Variants in ASCC3 observed in about 807,000 individuals in gnomAD.
The protein encoded by ASCC3 is activating signal cointegrator 1 complex subunit 3, also known as ASC-1 complex subunit P200.
ASCC3 carries 158 observed loss-of-function variants against 256.3 expected under a neutral mutation model. The observed-to-expected ratio is 0.62, with a 90% CI of 0.54 to 0.70. ASCC3 has a LOEUF of 0.70. Among genes scored for constraint, ASCC3 ranks in the 30% least tolerant of loss-of-function variants. The probability of loss-of-function intolerance (pLI) is 0.00; values close to 1 mark genes in which losing one functional copy is unlikely to be tolerated. For synonymous variants in ASCC3, 948 were observed against 883.4 expected (o/e 1.07, Z -1.30); for missense variants, 2,259 against 2,626.0 (o/e 0.86, Z 3.05).
At chr6:100,534,776 G>T (rs1336781014) in intron 37 of ASCC3, among the ~76,000 whole-genome samples, 2 of 152,126 alleles carry the variant, frequency 1.3e-5, no homozygotes, top group Non-Finnish European at 2.9e-5. Flanking sequence ...AGAAGCAAAG[G>T]CAGGCTGTAT....
intron 34 of ASCC3, among the ~76,000 whole-genome samples, chr6:100,594,134 T>C (rs1772153157): frequency 6.6e-6 from 1 of 152,216 alleles, no homozygotes; most frequent in African/African-American, 2.4e-5. Context: ...GACTTCATAG[T>C]AGTATGATTA....
rs1000248183 is a variant in ASCC3 at position 100,646,596 on chromosome 6, A to C, written c.3633+19T>G. ...AGATATTTTTGTTTAACACAGATAT[A>C]GCCGTTTTCCACTTCTACCTGATCA... On this transcript the variant is annotated intron_variant, in intron 22 of 41. Transcript: ENST00000369162. 3 of 1,613,790 alleles carry C rather than the reference A, an allele frequency of 1.9e-6. No homozygotes were observed. In the African/African-American group the frequency reaches 4.0e-5, roughly 22 times the overall value.
intron 10 of ASCC3, among the ~76,000 whole-genome samples, chr6:100,734,701 G>C (rs1780065176): frequency 6.6e-6 from 1 of 152,050 alleles, no homozygotes. Flanking sequence ...CCACTATTTT[G>C]GGCAATTAAC....
intron 34 of ASCC3, among the ~76,000 whole-genome samples, chr6:100,594,668 A>C (rs1169131949): frequency 6.6e-6 from 1 of 152,112 alleles, no homozygotes; most frequent in Non-Finnish European, 1.5e-5. Context: ...ATGATCCAGC[A>C]ATCCCAGTTC....
chr6:100,879,677 T>A (rs1486949261), intron 1 of ASCC3, among the ~76,000 whole-genome samples: 3 of 152,224 alleles, frequency 2.0e-5, no homozygotes, highest in East Asian at 1.9e-4. Context: ...TTATTTATTT[T>A]TTTTGAGGTA....
rs1341902575 is a variant in ASCC3 at position 100,662,506 on chromosome 6, C to A, written c.2317G>T (p.Glu773Ter). The A allele has an allele frequency of 6.2e-7, 1 of 1,612,920 alleles. No individual in the cohort carries two copies. Among genetic ancestry groups the A allele is most frequent in the African/African-American group, 1.3e-5 (1 of 74,844 alleles). The stretch of plus-strand genomic sequence containing the variant: ...ATACTAAAACCATCTGGGAATAATT[C>A]TCGTACTTGCTTATTTCTCGACCTT... ...VQRSRNKQVR[E>*]LFPDGFSIHH... Residue 773 changes from glutamate (E) to a stop codon, truncating the protein, a stop_gained, in exon 15 of 42, where the codon GAA (glutamate) becomes TAA (stop). Transcript: ENST00000369162. LOFTEE classifies it high-confidence loss of function.
intron 4 of ASCC3, among the ~76,000 whole-genome samples, chr6:100,845,875 A>G (rs1241473775): frequency 6.6e-6 from 1 of 152,180 alleles, no homozygotes; most frequent in African/African-American, 2.4e-5. Flanking sequence ...GAGCTGGGAA[A>G]CCACAGGTTG....
intron 36 of ASCC3, among the ~76,000 whole-genome samples, chr6:100,565,152 T>C (rs1204668792): frequency 6.6e-6 from 1 of 152,194 alleles, no homozygotes; most frequent in East Asian, 1.9e-4. Context: ...TAACTGCAAT[T>C]GAATCAACTG....
chr6:100,665,625 A>G (rs1242322870), intron 14 of ASCC3, among the ~76,000 whole-genome samples: 1 of 151,964 alleles, frequency 6.6e-6, no homozygotes, highest in Non-Finnish European at 1.5e-5. Flanking sequence ...CTGTAGTCCC[A>G]GTTACTCGGG....
rs543003692 is a variant in ASCC3, at chr6:100,727,051, C to T, written c.1738-1348G>A. ...CAAAGGACCTAAGACTTGCCAGAAC[C>T]AATTCATCTTAAACGTTATTATTAA... On this transcript the variant is annotated intron_variant, in intron 10 of 41. Transcript: ENST00000369162. Among the ~76,000 whole-genome samples, 8 of 152,130 alleles carry T rather than the reference C, an allele frequency of 5.3e-5. No homozygotes were observed. In the South Asian group the frequency reaches 6.2e-4, roughly 12 times the overall value.
At position 100,642,713 on chromosome 6, in the gene ASCC3, T is replaced by C. The variant is rs1454393819; in HGVS notation, c.3769A>G (p.Ile1257Val). ...SKEAQLLVFT[I>V]PIFEPLPSQY... ...GAAGGCAAAGGCTCAAAAATAGGGA[T>C]TGTAAATACCAGTAGTTGGGCTTCT... Residue 1257 changes from isoleucine (I) to valine (V), a missense_variant, in exon 24 of 42, where the codon ATC becomes GTC. Physicochemically the swap from Ile to Val is conservative, Grantham distance 29. Around this residue, in one of 2 missense-constraint regions of ASCC3, gnomAD observed 1,839 missense variants for 2,206.7 expected, o/e 0.83. Coordinates refer to ENST00000369162, the MANE Select transcript of ASCC3 (RefSeq NM_006828.4). 5 of 1,613,806 alleles carry C rather than the reference T, an allele frequency of 3.1e-6. 1 individual carries two copies. The highest frequency in any genetic ancestry group is 2.2e-5 in the South Asian group (2 of 91,072).
At chr6:100,519,593 A>ATTTC (rs2114617592) in intron 37 of ASCC3, among the ~76,000 whole-genome samples, 1 of 152,282 alleles carries the variant, frequency 6.6e-6, no homozygotes, top group Admixed American at 6.5e-5. Flanking sequence ...GGAAGAGAAA[A>ATTTC]GGAAAAGAGA....
At chr6:100,845,675 C>T (rs1772348018) in intron 4 of ASCC3, among the ~76,000 whole-genome samples, 1 of 152,094 alleles carries the variant, frequency 6.6e-6, no homozygotes, top group Non-Finnish European at 1.5e-5. Flanking sequence ...TTATTCCTCT[C>T]CACGTTTCAG....
intron 36 of ASCC3, among the ~76,000 whole-genome samples, chr6:100,570,120 T>G (rs886406676): frequency 1.3e-5 from 2 of 152,192 alleles, no homozygotes; most frequent in African/African-American, 4.8e-5. Flanking sequence ...CTGATTTTTG[T>G]ACACTGAGTT....
intron 37 of ASCC3, among the ~76,000 whole-genome samples, chr6:100,526,467 G>A (rs1774583207): frequency 6.6e-6 from 1 of 152,164 alleles, no homozygotes; most frequent in Non-Finnish European, 1.5e-5. Context: ...TACAGGTAAA[G>A]TCACCCAGAG....
At chr6:100,746,031 A>C (rs1282851042) in intron 10 of ASCC3, among the ~76,000 whole-genome samples, 1 of 151,920 alleles carries the variant, frequency 6.6e-6, no homozygotes, top group Non-Finnish European at 1.5e-5. Flanking sequence ...TAGCTTTCTT[A>C]AAAGATAGCT....
At chr6:100,607,520 G>T (rs1445532370) in intron 30 of ASCC3, among the ~76,000 whole-genome samples, 1 of 151,830 alleles carries the variant, frequency 6.6e-6, no homozygotes, top group African/African-American at 2.4e-5. Flanking sequence ...CAGACAGAAA[G>T]AAATTGTTCC....
intron 4 of ASCC3, among the ~76,000 whole-genome samples, chr6:100,846,740 T>C (rs1342532941): frequency 4.6e-5 from 7 of 152,342 alleles, no homozygotes; most frequent in Middle Eastern, 3.4e-3. Flanking sequence ...ATTTTAAGAA[T>C]TGGTTCAAGC....
intron 37 of ASCC3, among the ~76,000 whole-genome samples, chr6:100,531,742 C>T (rs1030436626): frequency 2.0e-5 from 3 of 152,024 alleles, no homozygotes; most frequent in African/African-American, 4.8e-5. Context: ...AACTAGTCTG[C>T]GCTTACCTTA....
Sources: gnomAD v4.1 joint callset for allele counts (sites outside exome capture counted in the v4.1 genomes callset) on GRCh38, gnomAD v4.1.1 for gene constraint, gnomAD v4.1.1 regional missense constraint, MANE v1.5 for transcripts, NCBI Gene and HGNC (gene_info 2026-07-23, HGNC 2026-07-21) for gene names.